SMYD3: variants seen among roughly 807,000 people sequenced by gnomAD.
SMYD3 encodes the protein histone-lysine N-methyltransferase SMYD3.
In SMYD3, 36 loss-of-function variants were observed where a neutral mutation model predicts 57.7. The observed-to-expected ratio is 0.62, with a 90% CI of 0.48 to 0.82. SMYD3 has a LOEUF of 0.82. SMYD3 is among the 40% of genes least tolerant of loss of function. The probability of loss-of-function intolerance (pLI) is 0.00; values close to 1 mark genes in which losing one functional copy is unlikely to be tolerated. For synonymous variants in SMYD3, 211 were observed against 195.0 expected (o/e 1.08, Z -0.68); for missense variants, 515 against 538.8 (o/e 0.96, Z 0.44).
intron 5 of SMYD3, among the ~76,000 whole-genome samples, chr1:246,319,453 G>C (rs956267810): frequency 2.0e-5 from 3 of 152,038 alleles, no homozygotes; most frequent in Non-Finnish European, 4.4e-5. Context: ...TCAGTCACTG[G>C]GATCATTTAG....
Position 246,170,984 on chromosome 1 carries a change from G to T in SMYD3, c.531+156217C>A, listed in dbSNP as rs566793673. Among the ~76,000 whole-genome samples the T allele has an allele frequency of 5.3e-5, 8 of 152,064 alleles. No individual in the cohort carries two copies. In the South Asian group the frequency reaches 1.7e-3, roughly 32 times the overall value. Reference sequence around the variant, plus strand: ...CCCTCTAATTTTTTTTAAACCAGAAGATTATTTTCTATGGTTTCATAGTCT... The same window carrying T: ...CCCTCTAATTTTTTTTAAACCAGAATATTATTTTCTATGGTTTCATAGTCT... On this transcript the variant is annotated intron_variant, in intron 5 of 11. Transcript: ENST00000490107.
At chr1:246,007,159 A>T (rs1021497191) in intron 5 of SMYD3, among the ~76,000 whole-genome samples, 1 of 152,236 alleles carries the variant, frequency 6.6e-6, no homozygotes, top group African/African-American at 2.4e-5. Flanking sequence ...TCTAGGGATT[A>T]TCAGGCAGCA....
chr1:246,299,439 C>T (rs72776380), intron 5 of SMYD3, among the ~76,000 whole-genome samples: 23,128 of 152,110 alleles, frequency 0.15, 2,261 homozygotes, highest in East Asian at 0.3. Flanking sequence ...TGTGGCGATT[C>T]ATCAAAGACC....
intron 10 of SMYD3, among the ~76,000 whole-genome samples, chr1:245,816,840 C>G (rs1032929092): frequency 6.6e-6 from 1 of 152,130 alleles, no homozygotes; most frequent in Non-Finnish European, 1.5e-5. Context: ...CTTTTCGGAC[C>G]GGCCTAAAAA....
At chr1:245,872,677 C>T (rs998781101) in intron 8 of SMYD3, among the ~76,000 whole-genome samples, 2 of 152,200 alleles carry the variant, frequency 1.3e-5, no homozygotes, top group Admixed American at 1.3e-4. Flanking sequence ...TTCCCACCGT[C>T]GCTGCCAGCA....
chr1:246,255,927 AAGATAGATAGATAGATAGATAGAT>A (rs55974041), intron 5 of SMYD3, among the ~76,000 whole-genome samples: 5 of 121,242 alleles, frequency 4.1e-5, no homozygotes, highest in Non-Finnish European at 8.5e-5. Flanking sequence ...CATAACTAAT[AAGATAGATAGATAGATAGATAGAT>A]AGATAGATAG....
At chr1:245,762,364 C>T (rs1412052929) in intron 11 of SMYD3, among the ~76,000 whole-genome samples, 1 of 152,140 alleles carries the variant, frequency 6.6e-6, no homozygotes, top group South Asian at 2.1e-4. Flanking sequence ...TGATCACTTA[C>T]GAACATCTAC....
At chr1:246,071,772 CGCTGCATCCTGTAG>C (rs2060450423) in intron 5 of SMYD3, among the ~76,000 whole-genome samples, 2 of 143,212 alleles carry the variant, frequency 1.4e-5, no homozygotes, top group African/African-American at 5.3e-5. Flanking sequence ...TGCTCACTGT[CGCTGCATCCTGTAG>C]TTCTGGGGAG....
At chr1:246,211,523 G>A (rs2063088215) in intron 5 of SMYD3, among the ~76,000 whole-genome samples, 4 of 145,444 alleles carry the variant, frequency 2.8e-5, no homozygotes, top group Admixed American at 2.1e-4. Context: ...CTTTCAGATG[G>A]GCAATGTTTC....
chr1:245,973,409 A>G (rs1201563803), intron 5 of SMYD3, among the ~76,000 whole-genome samples: 1 of 152,210 alleles, frequency 6.6e-6, no homozygotes, highest in Non-Finnish European at 1.5e-5. Context: ...TATTCACCAA[A>G]TATTTGTGAA....
intron 5 of SMYD3, among the ~76,000 whole-genome samples, chr1:246,221,882 G>C (rs1048136440): frequency 2.6e-5 from 4 of 152,162 alleles, no homozygotes; most frequent in Non-Finnish European, 5.9e-5. Flanking sequence ...ACTCAGGCAA[G>C]GGCACCACCA....
intron 8 of SMYD3, among the ~76,000 whole-genome samples, chr1:245,870,862 G>C (rs920340833): frequency 6.6e-6 from 1 of 152,122 alleles, no homozygotes; most frequent in African/African-American, 2.4e-5. Flanking sequence ...GACCCACCTT[G>C]CAGCTCGAAC....
rs1489181763 is a variant in SMYD3, at chr1:246,276,358, A to G, written c.531+50843T>C. 1.6e-5 allele frequency among the ~76,000 whole-genome samples: 2 copies of G among 121,760 alleles called. 1 individual carries two copies. The highest frequency in any genetic ancestry group is 3.5e-5 in the Non-Finnish European group (2 of 57,612). 79.9% of individuals were successfully genotyped at this position (121,760 alleles called of 152,430 possible). ...GTTTGAATACTAACTCCATTTTTTC[A>G]CTACCCGTATTAACACTGGCAGGTT... On this transcript the variant is annotated intron_variant, in intron 5 of 11. Coordinates refer to ENST00000490107, the MANE Select transcript of SMYD3 (RefSeq NM_001167740.2).
At chr1:245,897,521 T>C (rs2053898722) in intron 8 of SMYD3, among the ~76,000 whole-genome samples, 1 of 152,238 alleles carries the variant, frequency 6.6e-6, no homozygotes, top group Non-Finnish European at 1.5e-5. Flanking sequence ...AATTGTATTC[T>C]TGGAAAGAAA....
intron 5 of SMYD3, among the ~76,000 whole-genome samples, chr1:246,045,385 G>T (rs2059945913): frequency 6.6e-6 from 1 of 152,090 alleles, no homozygotes; most frequent in African/African-American, 2.4e-5. Flanking sequence ...ATGGGGAAAG[G>T]ATTCCCTATT....
At chr1:246,465,007 G>A (rs763010457) in intron 1 of SMYD3, among the ~76,000 whole-genome samples, 1 of 152,070 alleles carries the variant, frequency 6.6e-6, no homozygotes, top group Non-Finnish European at 1.5e-5. Context: ...AACCAGCTAT[G>A]GATTTCTTTG....
At chr1:246,345,787 T>A (rs914836173) in intron 2 of SMYD3, among the ~76,000 whole-genome samples, 3 of 152,138 alleles carry the variant, frequency 2.0e-5, no homozygotes, top group Non-Finnish European at 4.4e-5. Context: ...CAGCCATACA[T>A]CCTCTGTCTG....
chr1:246,496,322 C>CTG (rs2068360933), intron 1 of SMYD3, among the ~76,000 whole-genome samples: 1 of 152,062 alleles, frequency 6.6e-6, no homozygotes, highest in Non-Finnish European at 1.5e-5. Context: ...GCGTGAGCCA[C>CTG]CACGCCTGGC....
intron 5 of SMYD3, among the ~76,000 whole-genome samples, chr1:246,104,996 G>A (rs1228968379): frequency 1.3e-5 from 2 of 152,160 alleles, no homozygotes; most frequent in African/African-American, 4.8e-5. Context: ...ATCGGCAAGT[G>A]GGAATTTATA....
Sources: allele counts gnomAD v4.1 joint callset (sites outside exome capture counted in the v4.1 genomes callset), GRCh38; gene constraint gnomAD v4.1.1; transcripts MANE v1.5; gene names NCBI Gene and HGNC (gene_info 2026-07-23, HGNC 2026-07-21).